The following TRIP12 variants were observed in gnomAD, a reference collection of about 807,000 sequenced individuals.
TRIP12 encodes thyroid hormone receptor interactor 12, also known as E3 ubiquitin-protein ligase TRIP12.
TRIP12 carries 25 observed loss-of-function variants against 244.2 expected under a neutral mutation model. That is an observed-to-expected ratio of 0.10 (90% CI 0.07 to 0.14). TRIP12 has a LOEUF of 0.14. Among genes scored for constraint, TRIP12 ranks in the 10% least tolerant of loss-of-function variants. The pLI is 1.00. For synonymous variants in TRIP12, 905 were observed against 873.1 expected (o/e 1.04, Z -0.64); for missense variants, 1,677 against 2,486.4 (o/e 0.67, Z 6.92).
Position 229,778,327 on chromosome 2 carries a change from T to G in TRIP12, c.5364+106A>C. On this transcript the variant is annotated intron_variant, in intron 36 of 41. Transcript: ENST00000675903. This position sits in a 1 kb window ranked among gnomAD's most constrained non-coding sequence, Gnocchi z 4.1. ...AAGTAATTCATATGTGTATTGAAGT[T>G]TGAGAAGCATTGCTCTAAACTATAG... is the stretch of plus-strand genomic sequence containing the variant. 1 of 1,399,788 alleles carries G rather than the reference T, an allele frequency of 7.1e-7. No individual in the cohort carries two copies. The highest frequency in any genetic ancestry group is 2.3e-5 in the East Asian group (1 of 43,520). The allele number at this position is 1,399,788 out of a possible 1,614,324, so 86.7% of individuals were successfully genotyped here.
At chr2:229,777,606 T>A in intron 36 of TRIP12, 127 bp from the exon 37 acceptor site, 1 of 948,354 alleles carries the variant, frequency 1.1e-6, no homozygotes, top group Non-Finnish European at 1.6e-6. Flanking sequence ...GAAAATTCTG[T>A]AGTTACAAAC....
At chr2:229,850,577 C>T (rs1168934469) in intron 4 of TRIP12, among the ~76,000 whole-genome samples, 2 of 152,208 alleles carry the variant, frequency 1.3e-5, no homozygotes, top group Non-Finnish European at 2.9e-5. Flanking sequence ...AGCCCTCGCT[C>T]GCTCTCGGCG....
At chr2:229,839,415 C>T (rs1436210417) in intron 5 of TRIP12, among the ~76,000 whole-genome samples, 4 of 152,140 alleles carry the variant, frequency 2.6e-5, no homozygotes, top group African/African-American at 7.2e-5. Context: ...CGGTGGCTCA[C>T]GCTTGTAATC....
At chr2:229,783,438 A>G (rs2038951504) in intron 34 of TRIP12, among the ~76,000 whole-genome samples, 1 of 152,260 alleles carries the variant, frequency 6.6e-6, no homozygotes, top group Non-Finnish European at 1.5e-5. Flanking sequence ...ACAAGTTTTA[A>G]GTTTATGAAG....
At position 229,821,840 on chromosome 2, in the gene TRIP12, T is replaced by C. The variant is rs139058617; in HGVS notation, c.1451-3328A>G. ...ACAGACAGGTACCGAGTTCTGGAAC[T>C]GTGAAAACTGATAGAGGGGCCAGAT... On this transcript the variant is annotated intron_variant, in intron 8 of 41. Transcript: ENST00000675903. Among the ~76,000 whole-genome samples the C allele has an allele frequency of 6.1e-3, 927 of 152,232 alleles. 7 individuals are homozygous for C. The highest frequency in any genetic ancestry group is 0.021 in the African/African-American group (872 of 41,544).
At chr2:229,795,606 T>C (rs935830064) in intron 25 of TRIP12, among the ~76,000 whole-genome samples, 1 of 152,186 alleles carries the variant, frequency 6.6e-6, no homozygotes, top group South Asian at 2.1e-4. Context: ...CAAACAGACA[T>C]AAGGCTATTT....
intron 34 of TRIP12, among the ~76,000 whole-genome samples, chr2:229,779,885 G>C (rs948454826): frequency 1.3e-5 from 2 of 152,096 alleles, no homozygotes; most frequent in East Asian, 1.9e-4. Context: ...CTTCCTTCAC[G>C]ATCTGTCAAG....
intron 1 of TRIP12, among the ~76,000 whole-genome samples, chr2:229,915,706 A>T (rs114631738): frequency 0.01 from 1,538 of 151,834 alleles, 23 homozygotes; most frequent in African/African-American, 0.035. Flanking sequence ...AAAAAAAAAA[A>T]ATTTTTTGAG....
chr2:229,848,869 T>C (rs186813800), intron 4 of TRIP12, among the ~76,000 whole-genome samples: 2 of 152,324 alleles, frequency 1.3e-5, no homozygotes, highest in East Asian at 3.9e-4. Context: ...TTCACCAATC[T>C]GGCAAATAAA....
intron 4 of TRIP12, among the ~76,000 whole-genome samples, chr2:229,842,036 C>A (rs1385517258): frequency 6.6e-6 from 1 of 152,144 alleles, no homozygotes; most frequent in Non-Finnish European, 1.5e-5. Context: ...CAAGAATCTG[C>A]AAACATGAAA....
chr2:229,914,430 T>C (rs1278844433), intron 1 of TRIP12, among the ~76,000 whole-genome samples: 2 of 152,278 alleles, frequency 1.3e-5, no homozygotes, highest in East Asian at 1.9e-4. Context: ...ACAAGGCTAC[T>C]AGAAGCACTT....
At chr2:229,852,726 A>T (rs768886641) in intron 4 of TRIP12, among the ~76,000 whole-genome samples, 66 of 152,334 alleles carry the variant, frequency 4.3e-4, no homozygotes, top group Non-Finnish European at 8.1e-4. Context: ...GTCTATCACT[A>T]AAGTAGCGGT....
At chr2:229,915,411 CAA>C (rs1259254061) in intron 1 of TRIP12, among the ~76,000 whole-genome samples, 2 of 152,136 alleles carry the variant, frequency 1.3e-5, no homozygotes, top group Non-Finnish European at 2.9e-5. Context: ...CTAAAAGTCT[CAA>C]AGTCATTTTA....
chr2:229,861,217 T>G (rs866541567), intron 2 of TRIP12, among the ~76,000 whole-genome samples: 1 of 152,222 alleles, frequency 6.6e-6, no homozygotes, highest in South Asian at 2.1e-4. Context: ...ATTCCATGAT[T>G]GATATGGTGC....
intron 4 of TRIP12, among the ~76,000 whole-genome samples, chr2:229,853,976 G>GTATC (rs1394289285): frequency 6.6e-6 from 1 of 152,078 alleles, no homozygotes. Flanking sequence ...TTATGTTGAT[G>GTATC]TATCCATTTA....
At chr2:229,792,761 A>T (rs533547738) in intron 27 of TRIP12, among the ~76,000 whole-genome samples, 1 of 152,192 alleles carries the variant, frequency 6.6e-6, no homozygotes, top group Admixed American at 6.6e-5. Context: ...CACCAAGATA[A>T]ATTAACTCAA....
intron 3 of TRIP12, 115 bp downstream of exon 3, chr2:229,860,291 A>G (rs926776789): frequency 7.6e-7 from 1 of 1,315,466 alleles, no homozygotes; most frequent in Admixed American, 2.2e-5. Flanking sequence ...TTACTTAGAG[A>G]ATAATGAAAA....
intron 6 of TRIP12, among the ~76,000 whole-genome samples, chr2:229,832,212 T>C (rs1031487518): frequency 1.3e-5 from 2 of 152,244 alleles, no homozygotes; most frequent in Admixed American, 6.5e-5. Context: ...CAGCAAAATA[T>C]GGCCCAAAGG....
chr2:229,898,547 T>A (rs952009786), intron 1 of TRIP12, among the ~76,000 whole-genome samples: 1 of 152,210 alleles, frequency 6.6e-6, no homozygotes, highest in Non-Finnish European at 1.5e-5. Flanking sequence ...AATTTACTTA[T>A]ACACTGACCT....
Sources: gnomAD v4.1 joint callset for allele counts (sites outside exome capture counted in the v4.1 genomes callset) on GRCh38, gnomAD v4.1.1 for gene constraint, Gnocchi (gnomAD v3.1) non-coding constraint, MANE v1.5 for transcripts, NCBI Gene and HGNC (gene_info 2026-07-23, HGNC 2026-07-21) for gene names.